SLC4A10: variants seen among roughly 807,000 people sequenced by gnomAD.
SLC4A10 encodes solute carrier family 4 member 10.
A neutral mutation model predicts 137.7 loss-of-function variants in SLC4A10; 42 were observed. The ratio of observed to expected loss-of-function variants is 0.30; its 90% CI spans 0.24 to 0.39. SLC4A10 has a LOEUF of 0.39. SLC4A10 is among the 10% of genes least tolerant of loss of function. The pLI is 1.00. For synonymous variants in SLC4A10, 474 were observed against 464.1 expected (o/e 1.02, Z -0.27); for missense variants, 925 against 1,355.0 (o/e 0.68, Z 4.98).
chr2:161,640,860 T>A (rs888462775), intron 1 of SLC4A10, among the ~76,000 whole-genome samples: 1 of 152,076 alleles, frequency 6.6e-6, no homozygotes, highest in Non-Finnish European at 1.5e-5. Context: ...ACAGCTCAAA[T>A]GAAACATTGA....
chr2:161,846,573 A>C (rs1468413527), intron 4 of SLC4A10, among the ~76,000 whole-genome samples: 1 of 152,196 alleles, frequency 6.6e-6, no homozygotes, highest in African/African-American at 2.4e-5. Flanking sequence ...AACAACCTGA[A>C]TGTCCCCCAT....
intron 1 of SLC4A10, among the ~76,000 whole-genome samples, chr2:161,687,094 A>G (rs1421408438): frequency 6.6e-6 from 1 of 152,056 alleles, no homozygotes. Flanking sequence ...TGTTGGCCAG[A>G]CTGGTCTTGA....
chr2:161,843,201 T>G (rs1252208279), intron 4 of SLC4A10, among the ~76,000 whole-genome samples: 1 of 152,148 alleles, frequency 6.6e-6, no homozygotes, highest in Non-Finnish European at 1.5e-5. Context: ...CAATAATTTC[T>G]TGTAACTTGC....
At chr2:161,645,579 T>C (rs1455463447) in intron 1 of SLC4A10, among the ~76,000 whole-genome samples, 1 of 152,064 alleles carries the variant, frequency 6.6e-6, no homozygotes, top group Non-Finnish European at 1.5e-5. Context: ...ACAGTGGTTT[T>C]ATATTATGTG....
Position 161,859,872 on chromosome 2 carries a change from T to G in SLC4A10, c.578-3002T>G, listed in dbSNP as rs185971958. On this transcript the variant is annotated intron_variant, in intron 5 of 26. Transcript: ENST00000446997. Reference sequence around the variant, plus strand: ...GCCTCGGCCTCCCAAAGTGCTGGGATTACAGGCGTGAGCCACCGCGCCTTT... The same window carrying G: ...GCCTCGGCCTCCCAAAGTGCTGGGAGTACAGGCGTGAGCCACCGCGCCTTT... Among the ~76,000 whole-genome samples, 918 of 152,252 alleles carry G rather than the reference T, an allele frequency of 6.0e-3. 5 individuals carry two copies. Among genetic ancestry groups the G allele is most frequent in the Admixed American group, 0.013 (196 of 15,284 alleles).
At chr2:161,817,981 A>G (rs866264212) in intron 3 of SLC4A10, among the ~76,000 whole-genome samples, 9 of 152,034 alleles carry the variant, frequency 5.9e-5, no homozygotes, top group Admixed American at 1.3e-4. Flanking sequence ...TTGGTTCCAT[A>G]TGAACTTTAA....
intron 1 of SLC4A10, among the ~76,000 whole-genome samples, chr2:161,629,158 A>G (rs1011316679): frequency 3.3e-5 from 5 of 151,968 alleles, no homozygotes; most frequent in African/African-American, 4.8e-5. Flanking sequence ...CACATAGGAC[A>G]CATGACAATG....
intron 5 of SLC4A10, among the ~76,000 whole-genome samples, chr2:161,858,525 C>T (rs1232779003): frequency 6.6e-6 from 1 of 152,138 alleles, no homozygotes; most frequent in African/African-American, 2.4e-5. Flanking sequence ...CAAAATATTA[C>T]TTAACCTTTT....
intron 2 of SLC4A10, among the ~76,000 whole-genome samples, chr2:161,775,584 T>C (rs1478841203): frequency 1.3e-5 from 2 of 151,836 alleles, no homozygotes; most frequent in Non-Finnish European, 2.9e-5. Context: ...AAAAACAATA[T>C]GAAAGAGAAT....
chr2:161,679,844 T>G (rs2040657114), intron 1 of SLC4A10, among the ~76,000 whole-genome samples: 1 of 151,986 alleles, frequency 6.6e-6, no homozygotes, highest in African/African-American at 2.4e-5. Context: ...ATTCTACTGC[T>G]TAAATTCTTC....
chr2:161,903,791 T>C (rs1683677255), intron 12 of SLC4A10, among the ~76,000 whole-genome samples: 1 of 152,118 alleles, frequency 6.6e-6, no homozygotes, highest in South Asian at 2.1e-4. Flanking sequence ...TTTTTGGTGG[T>C]TGACACGATA....
intron 15 of SLC4A10, among the ~76,000 whole-genome samples, chr2:161,920,092 T>G (rs1455813758): frequency 6.6e-6 from 1 of 152,252 alleles, no homozygotes; most frequent in Admixed American, 6.5e-5. Context: ...CCAGACCATA[T>G]GCTTGCTCAC....
At chr2:161,643,833 A>G (rs975858638) in intron 1 of SLC4A10, among the ~76,000 whole-genome samples, 41 of 152,310 alleles carry the variant, frequency 2.7e-4, no homozygotes, top group African/African-American at 8.2e-4. Context: ...ATTCAAGTAG[A>G]ACATCTACTT....
chr2:161,836,592 GAAAGA>G lies in SLC4A10; in HGVS notation c.278-3194_278-3190del, dbSNP rs1559359744. On this transcript the variant is annotated intron_variant, in intron 3 of 26. Coordinates refer to ENST00000446997, the MANE Select transcript of SLC4A10 (RefSeq NM_001178015.2). ...AGAAAGAAAGAAAGAAAGAAAGAAA[GAAAGA>G]AAGGAAGGAAGGAAAGAAATGAAAG... is the stretch of plus-strand genomic sequence containing the variant. Among the ~76,000 whole-genome samples, 83 of 37,346 alleles carry G rather than the reference GAAAGA, an allele frequency of 2.2e-3. 1 individual carries two copies. Among genetic ancestry groups the G allele is most frequent in the South Asian group, 6.7e-3 (7 of 1,040 alleles). The allele number at this position is 37,346 out of a possible 152,430, so 24.5% of individuals were successfully genotyped here. A position where few individuals can be genotyped will look rare whatever the true frequency, so the allele number is the denominator to read the frequency against.
intron 1 of SLC4A10, among the ~76,000 whole-genome samples, chr2:161,723,507 A>G (rs553950639): frequency 1.4e-4 from 22 of 152,314 alleles, no homozygotes; most frequent in African/African-American, 5.3e-4. Context: ...TAGAAATAAT[A>G]TACGCACAGT....
intron 1 of SLC4A10, among the ~76,000 whole-genome samples, chr2:161,716,678 T>C (rs1392990257): frequency 6.6e-6 from 1 of 152,188 alleles, no homozygotes; most frequent in Non-Finnish European, 1.5e-5. Context: ...TCTGTTTTTG[T>C]ACCAATACCA....
chr2:161,628,149 A>G (rs1165888924), intron 1 of SLC4A10, among the ~76,000 whole-genome samples: 2 of 152,074 alleles, frequency 1.3e-5, no homozygotes, highest in Admixed American at 6.6e-5. Flanking sequence ...TTGATATTCA[A>G]TGTTGAATTT....
chr2:161,786,586 T>C (rs2053652798), intron 2 of SLC4A10, among the ~76,000 whole-genome samples: 1 of 151,642 alleles, frequency 6.6e-6, no homozygotes, highest in Admixed American at 6.6e-5. Flanking sequence ...GAGTATACTC[T>C]TTTCTGTTCG....
intron 1 of SLC4A10, among the ~76,000 whole-genome samples, chr2:161,668,686 G>T (rs1285768165): frequency 6.6e-6 from 1 of 151,602 alleles, no homozygotes; most frequent in Non-Finnish European, 1.5e-5. Context: ...CTCATATGTT[G>T]GAATATATTT....
Sources: allele counts gnomAD v4.1 joint callset (sites outside exome capture counted in the v4.1 genomes callset), GRCh38; gene constraint gnomAD v4.1.1; transcripts MANE v1.5; gene names NCBI Gene and HGNC (gene_info 2026-07-23, HGNC 2026-07-21).